GALNT17: variants seen among roughly 807,000 people sequenced by gnomAD.
GALNT17 encodes polypeptide N-acetylgalactosaminyltransferase 17.
In GALNT17, 29 loss-of-function variants were observed where a neutral mutation model predicts 63.7. The observed-to-expected ratio is 0.46, with a 90% CI of 0.34 to 0.62. The LOEUF is 0.62. Ranked by LOEUF, GALNT17 falls within the 20% of genes least tolerant of loss-of-function variation. The pLI, the probability that GALNT17 is intolerant of heterozygous loss-of-function variation, is 0.01. For missense variants in GALNT17, 603 were observed against 799.6 expected, an observed-to-expected ratio of 0.75 and a Z score of 2.97; for synonymous variants, 305 against 318.3, an observed-to-expected ratio of 0.96 and a Z score of 0.45.
At chr7:71,486,681 T>C (rs920974821) in intron 5 of GALNT17, among the ~76,000 whole-genome samples, 10 of 150,070 alleles carry the variant, frequency 6.7e-5, no homozygotes, top group Non-Finnish European at 1.2e-4. Flanking sequence ...CATAGTGAGA[T>C]CCCATCTCTA....
intron 2 of GALNT17, among the ~76,000 whole-genome samples, chr7:71,363,492 C>G (rs1308992981): frequency 6.6e-6 from 1 of 152,202 alleles, no homozygotes. Flanking sequence ...TTTCTCTGGA[C>G]AGCTCCATCA....
At position 71,408,641 on chromosome 7, in the gene GALNT17, C is replaced by T. The variant is rs944169089; in HGVS notation, c.590-7248C>T. On this transcript the variant is annotated intron_variant, in intron 3 of 10. Coordinates refer to ENST00000333538, the MANE Select transcript of GALNT17 (RefSeq NM_022479.3). ...AGCTTTGGGAGGCCAAAGTGGGGAGCGGGGGAGGGATTGCTTGACGCCAGG... is the reference window on the plus strand; with the variant it reads ...AGCTTTGGGAGGCCAAAGTGGGGAGTGGGGGAGGGATTGCTTGACGCCAGG... Among the ~76,000 whole-genome samples, 6 of 152,078 alleles carry T rather than the reference C, an allele frequency of 3.9e-5. No homozygotes were observed. The South Asian group carries it at 6.2e-4, about 16-fold the overall frequency.
chr7:71,503,495 C>T (rs2116706405), intron 5 of GALNT17, among the ~76,000 whole-genome samples: 1 of 152,266 alleles, frequency 6.6e-6, no homozygotes, highest in Admixed American at 6.5e-5. Context: ...CCCCGGCCTC[C>T]CAAAGTGCTA....
chr7:71,588,542 T>A (rs1260193777), intron 6 of GALNT17, among the ~76,000 whole-genome samples: 1 of 152,202 alleles, frequency 6.6e-6, no homozygotes, highest in Non-Finnish European at 1.5e-5. Context: ...CTACCGAGGC[T>A]ACAAGTCAGT....
chr7:71,452,925 C>G (rs1787290007), intron 5 of GALNT17, among the ~76,000 whole-genome samples: 1 of 152,118 alleles, frequency 6.6e-6, no homozygotes, highest in South Asian at 2.1e-4. Context: ...CTCCATCTGC[C>G]TTAACATGAT....
At chr7:71,644,214 C>CA (rs1408429966) in intron 6 of GALNT17, among the ~76,000 whole-genome samples, 1 of 151,500 alleles carries the variant, frequency 6.6e-6, no homozygotes. Flanking sequence ...CCAGCCCGGG[C>CA]AACATAGTGA....
At chr7:71,182,351 T>A (rs1184813856) in intron 1 of GALNT17, among the ~76,000 whole-genome samples, 2 of 152,186 alleles carry the variant, frequency 1.3e-5, no homozygotes, top group South Asian at 4.1e-4. Flanking sequence ...GCATCTTGAT[T>A]AAGAGCAAAC....
intron 2 of GALNT17, among the ~76,000 whole-genome samples, chr7:71,378,962 G>A (rs998085280): frequency 9.9e-5 from 15 of 152,064 alleles, no homozygotes; most frequent in Non-Finnish European, 1.6e-4. Context: ...TGATTGTGCC[G>A]CTGCACTCCA....
At chr7:71,538,107 C>T (rs1268986673) in intron 5 of GALNT17, among the ~76,000 whole-genome samples, 2 of 152,154 alleles carry the variant, frequency 1.3e-5, no homozygotes, top group Non-Finnish European at 2.9e-5. Context: ...CCTTCGGAAA[C>T]TAATATATAT....
intron 9 of GALNT17, among the ~76,000 whole-genome samples, chr7:71,709,892 C>G (rs1055335371): frequency 6.6e-6 from 1 of 152,146 alleles, no homozygotes; most frequent in Non-Finnish European, 1.5e-5. Context: ...AGCCACTGAG[C>G]CTGGCCTAAT....
chr7:71,636,626 C>T lies in GALNT17; in HGVS notation c.1081-28785C>T, dbSNP rs115877163. 1.8e-3 allele frequency among the ~76,000 whole-genome samples: 274 copies of T among 152,222 alleles called. 2 individuals are homozygous for T. Among genetic ancestry groups the T allele is most frequent in the African/African-American group, 6.4e-3 (264 of 41,534 alleles). ...AGACTGAAATAGCTGCAGTGAAGAC[C>T]CAAGAAGGAGTTTTCCGGGTAGACT... is the stretch of plus-strand genomic sequence containing the variant. On this transcript the variant is annotated intron_variant, in intron 6 of 10. Coordinates refer to ENST00000333538, the MANE Select transcript of GALNT17 (RefSeq NM_022479.3).
chr7:71,601,259 CT>C (rs1159036613), intron 6 of GALNT17, among the ~76,000 whole-genome samples: 14 of 152,040 alleles, frequency 9.2e-5, no homozygotes, highest in African/African-American at 3.1e-4. Flanking sequence ...GTGCAGGTAT[CT>C]TTTTTGAATA....
chr7:71,376,384 A>G (rs1200302274), intron 2 of GALNT17, among the ~76,000 whole-genome samples: 4 of 97,070 alleles, frequency 4.1e-5, no homozygotes, highest in Admixed American at 2.3e-4. Flanking sequence ...TAGAAATTCT[A>G]TTCCTGAGCC....
In GALNT17 at chr7:71,458,288, C is replaced by G. The variant is rs115080195; in HGVS notation, c.962+37183C>G. On this transcript the variant is annotated intron_variant, in intron 5 of 10. Coordinates refer to ENST00000333538, the MANE Select transcript of GALNT17 (RefSeq NM_022479.3). ...CTACATCGAAACAGGAGACTTCTCT[C>G]ACCCCCCTTGCAGGATGTGCTGCAG... Among the ~76,000 whole-genome samples, 865 of 152,290 alleles carry G rather than the reference C, an allele frequency of 5.7e-3. 13 individuals are homozygous for G. The highest frequency in any genetic ancestry group is 0.019 in the African/African-American group (786 of 41,570).
At chr7:71,573,833 T>C (rs1431011873) in intron 6 of GALNT17, among the ~76,000 whole-genome samples, 2 of 152,136 alleles carry the variant, frequency 1.3e-5, no homozygotes, top group Non-Finnish European at 2.9e-5. Context: ...CCTCCCACCC[T>C]CTGCCCTCAA....
chr7:71,593,627 G>A (rs1180891704), intron 6 of GALNT17, among the ~76,000 whole-genome samples: 1 of 152,138 alleles, frequency 6.6e-6, no homozygotes, highest in Non-Finnish European at 1.5e-5. Context: ...TGTCATGGAT[G>A]GGAACTTCTT....
At chr7:71,327,314 G>A (rs1023506908) in intron 1 of GALNT17, among the ~76,000 whole-genome samples, 2 of 152,184 alleles carry the variant, frequency 1.3e-5, no homozygotes, top group Non-Finnish European at 2.9e-5. Flanking sequence ...CACAATCATG[G>A]TGGAAGGGGA....
At chr7:71,172,710 A>G (rs1226689789) in intron 1 of GALNT17, among the ~76,000 whole-genome samples, 1 of 152,138 alleles carries the variant, frequency 6.6e-6, no homozygotes, top group Non-Finnish European at 1.5e-5. Context: ...TAACTTCATA[A>G]ATGTTTACTG....
At chr7:71,382,989 C>CA (rs1214001941) in intron 2 of GALNT17, among the ~76,000 whole-genome samples, 8 of 152,284 alleles carry the variant, frequency 5.3e-5, no homozygotes, top group Admixed American at 5.2e-4. Context: ...ACACTGCACC[C>CA]AATCACAATA....
Sources: gnomAD v4.1 joint callset for allele counts (sites outside exome capture counted in the v4.1 genomes callset) on GRCh38, gnomAD v4.1.1 for gene constraint, MANE v1.5 for transcripts, NCBI Gene and HGNC (gene_info 2026-07-23, HGNC 2026-07-21) for gene names.